The following FER variants were observed in gnomAD, a reference collection of about 807,000 sequenced individuals.
FER encodes tyrosine-protein kinase Fer.
Under a neutral mutation model 111.0 loss-of-function variants are expected in FER, and 63 were observed. That is an observed-to-expected ratio of 0.57 (90% CI 0.46 to 0.70). The LOEUF (loss-of-function observed/expected upper bound fraction) is 0.70. Among genes scored for constraint, FER ranks in the 30% least tolerant of loss-of-function variants. The probability of loss-of-function intolerance (pLI) is 0.00; values close to 1 mark genes in which losing one functional copy is unlikely to be tolerated. For synonymous variants in FER, 327 were observed against 313.9 expected, an observed-to-expected ratio of 1.04 and a Z score of -0.44; for missense variants, 914 against 954.0, an observed-to-expected ratio of 0.96 and a Z score of 0.55.
chr5:109,096,974 A>C (rs1318739194), intron 16 of FER, among the ~76,000 whole-genome samples: 2 of 148,212 alleles, frequency 1.3e-5, no homozygotes, highest in Non-Finnish European at 3.0e-5. Context: ...ATATATAATA[A>C]ATATATAAAT....
chr5:108,886,985 C>T (rs889805124), intron 9 of FER, among the ~76,000 whole-genome samples: 1 of 151,422 alleles, frequency 6.6e-6, no homozygotes, highest in Non-Finnish European at 1.5e-5. Context: ...TGAATATTTC[C>T]TTTTATTGTG....
intron 14 of FER, among the ~76,000 whole-genome samples, chr5:109,038,837 G>GA (rs527365335): frequency 2.2e-3 from 330 of 151,874 alleles, no homozygotes; most frequent in African/African-American, 7.4e-3. Context: ...TTAGTACTAC[G>GA]AAAAAAATAT....
chr5:109,007,995 C>T (rs771025909), intron 13 of FER, among the ~76,000 whole-genome samples: 4 of 152,072 alleles, frequency 2.6e-5, no homozygotes, highest in Non-Finnish European at 4.4e-5. Context: ...TGGTATCTCA[C>T]TGTAGTTTTA....
intron 19 of FER, 82 bp downstream of exon 19, chr5:109,186,404 G>T: frequency 3.7e-6 from 6 of 1,601,828 alleles, no homozygotes; most frequent in Non-Finnish European, 5.1e-6. Context: ...CTTGAGGAGG[G>T]GTGTGTTAAA....
intron 13 of FER, among the ~76,000 whole-genome samples, chr5:109,028,383 T>C (rs972246423): frequency 2.0e-5 from 3 of 152,220 alleles, no homozygotes; most frequent in Non-Finnish European, 4.4e-5. Flanking sequence ...ACTTGAAACT[T>C]AAAATAGAAT....
intron 5 of FER, among the ~76,000 whole-genome samples, chr5:108,839,771 G>A (rs987664836): frequency 4.0e-5 from 6 of 151,808 alleles, no homozygotes; most frequent in African/African-American, 1.5e-4. Flanking sequence ...TAGAGATGGG[G>A]TTTCACTGTG....
At chr5:108,927,928 GTAAC>G (rs1245925791) in intron 10 of FER, among the ~76,000 whole-genome samples, 1 of 152,158 alleles carries the variant, frequency 6.6e-6, no homozygotes, top group Non-Finnish European at 1.5e-5. Flanking sequence ...TTTCTGTTGA[GTAAC>G]TAGCACCAAC....
At chr5:109,092,075 C>G (rs1384066316) in intron 16 of FER, among the ~76,000 whole-genome samples, 1 of 151,800 alleles carries the variant, frequency 6.6e-6, no homozygotes, top group African/African-American at 2.4e-5. Context: ...AATCAAAGAT[C>G]AGGCCCTCAC....
intron 5 of FER, among the ~76,000 whole-genome samples, chr5:108,850,090 G>GAGGCT (rs1762408290): frequency 6.6e-6 from 1 of 151,840 alleles, no homozygotes; most frequent in Non-Finnish European, 1.5e-5. Context: ...AGCCACTTGG[G>GAGGCT]AGGCTGAGGC....
intron 17 of FER, among the ~76,000 whole-genome samples, chr5:109,111,003 GAA>G (rs1416844440): frequency 6.6e-6 from 1 of 152,114 alleles, no homozygotes; most frequent in Admixed American, 6.6e-5. Context: ...GAAGAAAAAT[GAA>G]GACCTTGAAA....
Position 108,916,508 on chromosome 5 carries a change from G to T in FER, c.1236+18660G>T, listed in dbSNP as rs77065824. Among the ~76,000 whole-genome samples, 95 of 152,218 alleles carry T rather than the reference G, an allele frequency of 6.2e-4. No homozygotes were observed. In the East Asian group the frequency reaches 0.017, roughly 28 times the overall value. ...TAATTGTAGCATTGGATCGGGAGGG[G>T]CCTGGATGAGTATAGACTTGCGTTA... On this transcript the variant is annotated intron_variant, in intron 10 of 19. Coordinates refer to ENST00000281092, the MANE Select transcript of FER (RefSeq NM_005246.4).
At chr5:109,059,141 T>C (rs1433708026) in intron 16 of FER, among the ~76,000 whole-genome samples, 1 of 152,132 alleles carries the variant, frequency 6.6e-6, no homozygotes, top group Non-Finnish European at 1.5e-5. Flanking sequence ...ATACCACTTT[T>C]TGTTCTCATC....
chr5:108,979,297 AT>A (rs1354006797), intron 13 of FER, among the ~76,000 whole-genome samples: 1 of 152,100 alleles, frequency 6.6e-6, no homozygotes. Context: ...TTGCTAGATT[AT>A]TTGTTTTTCC....
intron 3 of FER, among the ~76,000 whole-genome samples, chr5:108,822,643 G>T (rs1758973683): frequency 6.6e-6 from 1 of 151,962 alleles, no homozygotes; most frequent in Non-Finnish European, 1.5e-5. Flanking sequence ...CAGCCCTCAT[G>T]ACCCAAACAC....
At chr5:108,917,484 G>A (rs981194897) in intron 10 of FER, among the ~76,000 whole-genome samples, 2 of 152,134 alleles carry the variant, frequency 1.3e-5, no homozygotes, top group African/African-American at 2.4e-5. Flanking sequence ...GTCAGTTTAA[G>A]TAGAAATAAT....
intron 17 of FER, among the ~76,000 whole-genome samples, chr5:109,145,987 G>A (rs1754054442): frequency 6.6e-6 from 1 of 150,812 alleles, no homozygotes; most frequent in African/African-American, 2.4e-5. Flanking sequence ...AGAAACTTAG[G>A]TGATTTACAT....
chr5:109,008,997 A>G (rs935525337), intron 13 of FER, among the ~76,000 whole-genome samples: 8 of 150,888 alleles, frequency 5.3e-5, no homozygotes, highest in African/African-American at 1.2e-4. Flanking sequence ...CAACAACAAA[A>G]CAATAGCCAA....
chr5:108,932,184 CT>C (rs773972062), intron 10 of FER, among the ~76,000 whole-genome samples: 5 of 152,110 alleles, frequency 3.3e-5, no homozygotes, highest in Non-Finnish European at 5.9e-5. Context: ...CCCCTACCCC[CT>C]GACAGGCCCT....
chr5:109,055,522 C>G (rs1314969997), intron 16 of FER, among the ~76,000 whole-genome samples: 3 of 152,102 alleles, frequency 2.0e-5, no homozygotes, highest in African/African-American at 7.2e-5. Flanking sequence ...TGCAGTGGCT[C>G]ATTCCTGTAA....
Sources: gnomAD v4.1 joint callset for allele counts (sites outside exome capture counted in the v4.1 genomes callset) on GRCh38, gnomAD v4.1.1 for gene constraint, MANE v1.5 for transcripts, NCBI Gene and HGNC (gene_info 2026-07-23, HGNC 2026-07-21) for gene names.